The following SLC2A9 variants were observed in gnomAD, a reference collection of about 807,000 sequenced individuals.
SLC2A9 encodes the protein solute carrier family 2 member 9.
SLC2A9 carries 39 observed loss-of-function variants against 50.6 expected under a neutral mutation model. The observed-to-expected ratio is 0.77, with a 90% CI of 0.60 to 1.01. The LOEUF (loss-of-function observed/expected upper bound fraction) is 1.01. Among genes scored for constraint, SLC2A9 ranks in the 50% least tolerant of loss-of-function variants. The pLI, the probability that SLC2A9 is intolerant of heterozygous loss-of-function variation, is 0.00. For missense variants in SLC2A9, 686 were observed against 677.6 expected (o/e 1.01, Z -0.14); for synonymous variants, 324 against 276.9 (o/e 1.17, Z -1.69).
In SLC2A9 at chr4:9,879,426, C is replaced by T. The variant is rs542466391; in HGVS notation, c.1291+8141G>A. On this transcript the variant is annotated intron_variant, in intron 10 of 11. Coordinates refer to ENST00000264784, the MANE Select transcript of SLC2A9 (RefSeq NM_020041.3). ...TTTGTGCGTGTGGGGCAGGGGGCAGCTGCCTGTGGCTCCAGATGGCTGCAG... is the reference window on the plus strand; with the variant it reads ...TTTGTGCGTGTGGGGCAGGGGGCAGTTGCCTGTGGCTCCAGATGGCTGCAG... 7.0e-5 allele frequency: 69 copies of T among 985,150 alleles called. No homozygotes were observed. The South Asian group carries it at 3.0e-3, about 43-fold the overall frequency. 61.0% of individuals were successfully genotyped at this position (985,150 alleles called of 1,614,324 possible).
intron 1 of SLC2A9, among the ~76,000 whole-genome samples, chr4:10,039,627 C>G (rs1357411210): frequency 1.3e-5 from 2 of 152,174 alleles, no homozygotes; most frequent in Non-Finnish European, 2.9e-5. Flanking sequence ...GAAGATGGTT[C>G]TAACTTGGTC....
At chr4:9,999,667 G>C (rs944629957) in intron 2 of SLC2A9, among the ~76,000 whole-genome samples, 3 of 152,156 alleles carry the variant, frequency 2.0e-5, no homozygotes, top group African/African-American at 7.2e-5. Context: ...GGGCCTGATA[G>C]GTCATGGAAG....
At chr4:9,851,928 A>C (rs926372681) in intron 10 of SLC2A9, among the ~76,000 whole-genome samples, 1 of 152,224 alleles carries the variant, frequency 6.6e-6, no homozygotes. Flanking sequence ...TTATGTAAAG[A>C]GAGCAAATCT....
chr4:9,955,915 T>C (rs1268386365), intron 5 of SLC2A9, among the ~76,000 whole-genome samples: 2 of 145,348 alleles, frequency 1.4e-5, no homozygotes, highest in African/African-American at 2.6e-5. Context: ...TTCACTCTTG[T>C]TGCCCAGGCT....
At chr4:9,783,121 C>G in intron 3 of SLC2A9, 2 of 1,614,252 alleles carry the variant, frequency 1.2e-6, no homozygotes, top group Non-Finnish European at 1.7e-6. Context: ...TCAACGCCGA[C>G]TTTCAGAAGG....
chr4:9,968,483 G>A (rs1428775919), intron 5 of SLC2A9, among the ~76,000 whole-genome samples: 2 of 152,138 alleles, frequency 1.3e-5, no homozygotes, highest in Non-Finnish European at 2.9e-5. Context: ...TTGTCTCAAA[G>A]ACCTAGAAAA....
At chr4:9,873,320 G>A (rs1405028695) in intron 10 of SLC2A9, among the ~76,000 whole-genome samples, 1 of 152,228 alleles carries the variant, frequency 6.6e-6, no homozygotes, top group Non-Finnish European at 1.5e-5. Flanking sequence ...GGGGGTAAGT[G>A]AAGGAAAGCC....
upstream of SLC2A9, among the ~76,000 whole-genome samples, chr4:10,026,438 C>A (rs772744405): frequency 2.6e-5 from 4 of 152,120 alleles, no homozygotes. Flanking sequence ...AATGGTTTAG[C>A]TACTGTGGGA....
chr4:9,844,414 C>T (rs970429137), intron 10 of SLC2A9, among the ~76,000 whole-genome samples: 1 of 152,120 alleles, frequency 6.6e-6, no homozygotes, highest in Non-Finnish European at 1.5e-5. Flanking sequence ...TAAAAATATT[C>T]CTAATAATTT....
intron 3 of SLC2A9, among the ~76,000 whole-genome samples, chr4:9,787,433 T>TACCCAG (rs1225428935): frequency 6.6e-6 from 1 of 152,346 alleles, no homozygotes; most frequent in East Asian, 1.9e-4. Flanking sequence ...GAATATTGTT[T>TACCCAG]ACCCAGATCC....
At chr4:9,827,086 T>C (rs541279467) in intron 11 of SLC2A9, among the ~76,000 whole-genome samples, 7 of 152,336 alleles carry the variant, frequency 4.6e-5, no homozygotes, top group African/African-American at 1.2e-4. Flanking sequence ...AACTCACTAA[T>C]TGATACTCTG....
In SLC2A9 at chr4:9,880,575, T is replaced by C. The variant is rs796442511; in HGVS notation, c.1291+6992A>G. 1.1e-5 allele frequency: 11 copies of C among 984,476 alleles called. No homozygotes were observed. The African/African-American group carries it at 1.2e-4, about 11-fold the overall frequency. The allele number at this position is 984,476 out of a possible 1,614,324, so 61.0% of individuals were successfully genotyped here. ...AAAAAACAGAGAAGGCTAAGCTTAG[T>C]GATTTTTGGTTAGCAAAGAACTTCA... On this transcript the variant is annotated intron_variant, in intron 10 of 11. Transcript: ENST00000264784.
chr4:9,980,561 C>A (rs761859599), intron 5 of SLC2A9, 31 bp downstream of exon 5: 3 of 1,613,686 alleles, frequency 1.9e-6, no homozygotes, highest in Admixed American at 1.7e-5. Context: ...GAGATGAGAG[C>A]AGATGCGGTT....
intron 10 of SLC2A9, among the ~76,000 whole-genome samples, chr4:9,844,384 A>T (rs1728615501): frequency 1.3e-5 from 2 of 152,200 alleles, no homozygotes; most frequent in African/African-American, 4.8e-5. Context: ...CAAGTAATTT[A>T]AAAAATTCTG....
At chr4:9,881,401 C>T (rs1263249076) in intron 10 of SLC2A9, among the ~76,000 whole-genome samples, 3 of 152,214 alleles carry the variant, frequency 2.0e-5, no homozygotes, top group African/African-American at 7.2e-5. Context: ...TTGACATGAA[C>T]TTCTTCCTAT....
intron 6 of SLC2A9, among the ~76,000 whole-genome samples, chr4:9,926,197 C>G (rs899957342): frequency 5.3e-5 from 8 of 151,870 alleles, no homozygotes; most frequent in African/African-American, 1.9e-4. Context: ...GGTCTTGGAG[C>G]TGGAGAAACC....
intron 8 of SLC2A9, among the ~76,000 whole-genome samples, chr4:9,896,374 T>G (rs1738561595): frequency 6.6e-6 from 1 of 152,238 alleles, no homozygotes; most frequent in South Asian, 2.1e-4. Context: ...GAAGATCTTT[T>G]CATGTGATTT....
downstream of SLC2A9, chr4:9,798,836 T>C (rs1720933726): frequency 6.6e-6 from 1 of 152,202 alleles, no homozygotes; most frequent in Admixed American, 6.5e-5. Flanking sequence ...TTGCTTAGTG[T>C]CTCTGGGTCT....
intron 5 of SLC2A9, among the ~76,000 whole-genome samples, chr4:9,952,120 A>G (rs1750402388): frequency 6.6e-6 from 1 of 151,906 alleles, no homozygotes; most frequent in Non-Finnish European, 1.5e-5. Context: ...TCACCCCTCT[A>G]CTCCTCAGTT....
Sources: gnomAD v4.1 joint callset for allele counts (sites outside exome capture counted in the v4.1 genomes callset) on GRCh38, gnomAD v4.1.1 for gene constraint, MANE v1.5 for transcripts, NCBI Gene and HGNC (gene_info 2026-07-23, HGNC 2026-07-21) for gene names.